PRIM2: variants seen among roughly 807,000 people sequenced by gnomAD.
PRIM2 encodes DNA primase large subunit.
PRIM2 carries 39 observed loss-of-function variants against 67.3 expected under a neutral mutation model. The observed-to-expected ratio is 0.58, with a 90% CI of 0.45 to 0.76. PRIM2 has a LOEUF of 0.76. Among genes scored for constraint, PRIM2 ranks in the 30% least tolerant of loss-of-function variants. The pLI, the probability that PRIM2 is intolerant of heterozygous loss-of-function variation, is 0.00. For synonymous variants in PRIM2, 143 were observed against 198.7 expected, an observed-to-expected ratio of 0.72 and a Z score of 2.36; for missense variants, 398 against 598.7, an observed-to-expected ratio of 0.66 and a Z score of 3.50.
At chr6:57,294,981 G>A in the PRIM2 span, among the ~76,000 whole-genome samples, 1 of 151,944 alleles carries the variant, frequency 6.6e-6, no homozygotes, top group African/African-American at 2.4e-5. Context: ...ACTAATTTTT[G>A]TATTTTTAGC....
chr6:57,514,296 TG>T (rs1346365098), intron 8 of PRIM2, among the ~76,000 whole-genome samples: 1 of 152,236 alleles, frequency 6.6e-6, no homozygotes, highest in Non-Finnish European at 1.5e-5. Context: ...CAGCTATCAT[TG>T]TTTTCTTTTT....
chr6:57,334,992 C>A (rs1768176606), intron 5 of PRIM2, among the ~76,000 whole-genome samples: 1 of 152,202 alleles, frequency 6.6e-6, no homozygotes, highest in African/African-American at 2.4e-5. Context: ...GGGCGCAGGT[C>A]AGTGGGTGCG....
the PRIM2 span, among the ~76,000 whole-genome samples, chr6:57,292,151 C>T: frequency 2.0e-5 from 3 of 152,330 alleles, no homozygotes; most frequent in African/African-American, 4.8e-5. Flanking sequence ...AGCAAAGTCT[C>T]AGGATACAAA....
At position 57,320,446 on chromosome 6, in the gene PRIM2, C is replaced by T. The variant is rs1554322254; in HGVS notation, c.155-11C>T. On this transcript the variant is annotated splice_polypyrimidine_tract_variant and intron_variant, in intron 2 of 13. Transcript: ENST00000615550. ...ATTATCTTGCATTTATACCTTTTTT[C>T]TTTTTTTTAGTGTTAAAATCAGTTG... 5.2e-6 allele frequency: 8 copies of T among 1,540,602 alleles called. No individual in the cohort carries two copies. Among genetic ancestry groups the T allele is most frequent in the African/African-American group, 1.4e-5 (1 of 72,224 alleles).
chr6:57,639,691 T>C (rs1777194768), intron 13 of PRIM2, among the ~76,000 whole-genome samples: 1 of 142,102 alleles, frequency 7.0e-6, no homozygotes, highest in South Asian at 2.2e-4. Flanking sequence ...CAGGAAGAAG[T>C]CAAATCCCTG....
intron 5 of PRIM2, among the ~76,000 whole-genome samples, chr6:57,326,992 C>T (rs1204924039): frequency 6.6e-6 from 1 of 150,608 alleles, no homozygotes. Flanking sequence ...CAACCTCCAC[C>T]TTCTGGGTTC....
chr6:57,269,471 T>C, the PRIM2 span, among the ~76,000 whole-genome samples: 2 of 152,160 alleles, frequency 1.3e-5, no homozygotes, highest in Non-Finnish European at 2.9e-5. Context: ...GCCCACTTTT[T>C]GATGGGATTG....
intron 9 of PRIM2, among the ~76,000 whole-genome samples, chr6:57,536,005 G>A (rs1774994126): frequency 6.6e-6 from 1 of 152,170 alleles, no homozygotes; most frequent in African/African-American, 2.4e-5. Flanking sequence ...TTAATATGAA[G>A]GAACAAAAAT....
At chr6:57,371,529 T>A (rs905356952) in intron 5 of PRIM2, among the ~76,000 whole-genome samples, 1 of 152,200 alleles carries the variant, frequency 6.6e-6, no homozygotes, top group Non-Finnish European at 1.5e-5. Context: ...TCAATTTCAG[T>A]TTTGCCAGAT....
chr6:57,420,372 G>A (rs1301037210), intron 7 of PRIM2, among the ~76,000 whole-genome samples: 5 of 151,924 alleles, frequency 3.3e-5, no homozygotes, highest in South Asian at 4.2e-4. Flanking sequence ...GTGTGGTGGC[G>A]TGCACCTGTA....
intron 7 of PRIM2, among the ~76,000 whole-genome samples, chr6:57,463,040 T>G (rs1339989416): frequency 6.6e-6 from 1 of 152,206 alleles, no homozygotes; most frequent in African/African-American, 2.4e-5. Flanking sequence ...GCTAGCTGTT[T>G]CAGGGTGTTA....
At chr6:57,364,886 C>T (rs904021633) in intron 5 of PRIM2, among the ~76,000 whole-genome samples, 3 of 152,038 alleles carry the variant, frequency 2.0e-5, no homozygotes, top group African/African-American at 4.8e-5. Context: ...TGCTGTTAAG[C>T]TAATATTTTT....
chr6:57,493,373 A>G (rs1393714351), intron 7 of PRIM2, among the ~76,000 whole-genome samples: 2 of 152,234 alleles, frequency 1.3e-5, no homozygotes, highest in Non-Finnish European at 2.9e-5. Flanking sequence ...TAATTTAAAA[A>G]ATCAGTGGCA....
intron 7 of PRIM2, among the ~76,000 whole-genome samples, chr6:57,439,917 A>G (rs1772147621): frequency 6.6e-6 from 1 of 152,180 alleles, no homozygotes; most frequent in Non-Finnish European, 1.5e-5. Context: ...AATTAATTTA[A>G]AGTGGAAGAC....
chr6:57,288,023 G>C, the PRIM2 span, among the ~76,000 whole-genome samples: 10 of 152,198 alleles, frequency 6.6e-5, no homozygotes, highest in Non-Finnish European at 1.0e-4. Context: ...TCCTAGTCAA[G>C]GGAAGCTGTG....
chr6:57,335,298 A>G (rs1768194371), intron 5 of PRIM2, among the ~76,000 whole-genome samples: 1 of 152,258 alleles, frequency 6.6e-6, no homozygotes, highest in African/African-American at 2.4e-5. Context: ...GGCGCCCGCC[A>G]TTGCCCAGGC....
chr6:57,418,388 T>TG (rs1771347749), intron 7 of PRIM2, among the ~76,000 whole-genome samples: 2 of 70,910 alleles, frequency 2.8e-5, no homozygotes, highest in Non-Finnish European at 5.5e-5. Flanking sequence ...GTGTGGTTTT[T>TG]TTTTTTTTTT....
chr6:57,568,204 G>A (rs1775785837), intron 10 of PRIM2, among the ~76,000 whole-genome samples: 1 of 152,098 alleles, frequency 6.6e-6, no homozygotes, highest in Non-Finnish European at 1.5e-5. Flanking sequence ...ATCAGAGTGG[G>A]TATGCCCAGT....
chr6:57,505,472 T>C (rs1286350182), intron 7 of PRIM2: 1 of 152,212 alleles, frequency 6.6e-6, no homozygotes, highest in Non-Finnish European at 1.5e-5. Context: ...AGCCAATCAT[T>C]CTGTGCCTAT....
Sources: gnomAD v4.1 joint callset for allele counts (sites outside exome capture counted in the v4.1 genomes callset) on GRCh38, gnomAD v4.1.1 for gene constraint, MANE v1.5 for transcripts, NCBI Gene and HGNC (gene_info 2026-07-23, HGNC 2026-07-21) for gene names.